Variants in SGTB observed in about 807,000 individuals in gnomAD.
SGTB encodes small glutamine rich tetratricopeptide repeat co-chaperone beta, also known as small glutamine-rich tetratricopeptide repeat-containing protein beta.
A neutral mutation model predicts 43.9 loss-of-function variants in SGTB; 19 were observed. The ratio of observed to expected loss-of-function variants is 0.43; its 90% CI spans 0.30 to 0.63. The LOEUF is 0.63. SGTB is among the 30% of genes least tolerant of loss of function. The pLI, the probability that SGTB is intolerant of heterozygous loss-of-function variation, is 0.12. For synonymous variants in SGTB, 116 were observed against 117.3 expected (o/e 0.99, Z 0.07); for missense variants, 304 against 358.9 (o/e 0.85, Z 1.24).
intron 8 of SGTB, among the ~76,000 whole-genome samples, chr5:65,680,046 T>C (rs1757363864): frequency 1.3e-5 from 2 of 152,160 alleles, no homozygotes; most frequent in African/African-American, 4.8e-5. Context: ...CATTTTACCA[T>C]TTTACTTAAC....
chr5:65,718,086 C>T (rs1157252888), intron 2 of SGTB, among the ~76,000 whole-genome samples: 1 of 151,972 alleles, frequency 6.6e-6, no homozygotes, highest in African/African-American at 2.4e-5. Flanking sequence ...GAAAGACAGG[C>T]AATAGTGGTC....
At chr5:65,675,233 GATATCT>G (rs1192939097) in intron 8 of SGTB, among the ~76,000 whole-genome samples, 3 of 152,208 alleles carry the variant, frequency 2.0e-5, no homozygotes, top group Middle Eastern at 3.4e-3. Context: ...AAACACATGA[GATATCT>G]ATATCTATAT....
At position 65,720,754 on chromosome 5, in the gene SGTB, T is replaced by G; in HGVS notation, c.54A>C (p.Gln18His). ...CCGAGGTGTAAGTGTCCATCTGACT[T>G]TGTTCCCGTAAGAAACGAATAACTG... is the stretch of plus-strand genomic sequence containing the variant. Reference protein sequence around the residue: ...VYAVIRFLREQSQMDTYTSDE... With the variant: ...VYAVIRFLREHSQMDTYTSDE... Residue 18 changes from glutamine (Q) to histidine (H), a missense_variant, in exon 2 of 11, where the codon CAA becomes CAC. Gln to His is a conservative substitution (Grantham distance 24, BLOSUM62 0). Coordinates refer to ENST00000381007, the MANE Select transcript of SGTB (RefSeq NM_019072.3). The G allele has an allele frequency of 6.2e-7, 1 of 1,614,040 alleles. No individual in the cohort carries two copies. Among genetic ancestry groups the G allele is most frequent in the Middle Eastern group, 1.7e-4 (1 of 6,056 alleles).
In SGTB at chr5:65,668,739, C is replaced by CAAGAA. The variant is rs1554131290; in HGVS notation, c.*1502_*1506dup. 2.2e-5 allele frequency: 2 copies of CAAGAA among 90,430 alleles called. No individual in the cohort carries two copies. Among genetic ancestry groups the CAAGAA allele is most frequent in the Admixed American group, 1.0e-4 (1 of 9,664 alleles). The allele number at this position is 90,430 out of a possible 1,614,324, so 5.6% of individuals were successfully genotyped here. A position where few individuals can be genotyped will look rare whatever the true frequency, so the allele number is the denominator to read the frequency against. On this transcript the variant is annotated 3_prime_UTR_variant, in exon 11 of 11. Coordinates refer to ENST00000381007, the MANE Select transcript of SGTB (RefSeq NM_019072.3). ...CTGGCGACAGAGAGAGACTCCATCT[C>CAAGAA]AAGAAAAAAAAAAAAAAAATTAGCT...
chr5:65,717,741 C>T (rs1468253039), intron 2 of SGTB, among the ~76,000 whole-genome samples: 1 of 152,000 alleles, frequency 6.6e-6, no homozygotes, highest in African/African-American at 2.4e-5. Context: ...AGAACAGATA[C>T]TGTGATTGCC....
chr5:65,702,280 G>C (rs1220691670), intron 5 of SGTB, among the ~76,000 whole-genome samples: 1 of 152,132 alleles, frequency 6.6e-6, no homozygotes, highest in East Asian at 1.9e-4. Flanking sequence ...CAAAACAACA[G>C]TATGTGTCTC....
At chr5:65,677,992 G>T (rs1163661325) in intron 8 of SGTB, among the ~76,000 whole-genome samples, 5 of 152,060 alleles carry the variant, frequency 3.3e-5, no homozygotes, top group African/African-American at 1.2e-4. Context: ...GGAAGTTTTG[G>T]CCAGGGAAAT....
intron 8 of SGTB, among the ~76,000 whole-genome samples, chr5:65,674,651 C>T (rs1334899325): frequency 6.6e-6 from 1 of 152,166 alleles, no homozygotes; most frequent in African/African-American, 2.4e-5. Flanking sequence ...TTTTATGAGT[C>T]ACAAAACATG....
chr5:65,685,512 C>T (rs1190605377), intron 5 of SGTB, 40 bp from the exon 6 acceptor site: 8 of 1,575,392 alleles, frequency 5.1e-6, no homozygotes, highest in South Asian at 1.1e-5. Context: ...AGGCAGTTTT[C>T]AAGGCACTAA....
At chr5:65,704,095 T>C (rs1198568281) in intron 5 of SGTB, among the ~76,000 whole-genome samples, 184 bp downstream of exon 5, 2 of 151,658 alleles carry the variant, frequency 1.3e-5, no homozygotes, top group Non-Finnish European at 2.9e-5. Flanking sequence ...AGACAAAATA[T>C]GCTAACAGAT....
At chr5:65,671,586 G>A (rs1311380593) in intron 10 of SGTB, among the ~76,000 whole-genome samples, 1 of 133,912 alleles carries the variant, frequency 7.5e-6, no homozygotes, top group Non-Finnish European at 1.6e-5. Context: ...AAGAAAAGAA[G>A]AAAAAGATTC....
chr5:65,672,363 A>G, intron 8 of SGTB, 82 bp from the exon 9 acceptor site: 1 of 1,559,548 alleles, frequency 6.4e-7, no homozygotes, highest in South Asian at 1.1e-5. Flanking sequence ...TAGAAGAATG[A>G]AAGCTAAATC....
upstream of SGTB, among the ~76,000 whole-genome samples, chr5:65,722,583 C>T (rs1464650656): frequency 6.6e-6 from 1 of 152,218 alleles, no homozygotes; most frequent in African/African-American, 2.4e-5. Context: ...CTGGCGCGGC[C>T]ACCTGGGGCC....
At chr5:65,670,908 T>C (rs1757141734) in intron 10 of SGTB, among the ~76,000 whole-genome samples, 1 of 152,240 alleles carries the variant, frequency 6.6e-6, no homozygotes. Context: ...AGTGGTACTG[T>C]GGCTTCATAT....
intron 5 of SGTB, among the ~76,000 whole-genome samples, chr5:65,699,445 C>T (rs1181384194): frequency 1.3e-5 from 2 of 152,172 alleles, no homozygotes; most frequent in East Asian, 1.9e-4. Flanking sequence ...ATGTACACTA[C>T]TCGGGTGATA....
chr5:65,703,723 C>CA (rs1228225352), intron 5 of SGTB, among the ~76,000 whole-genome samples: 11 of 146,182 alleles, frequency 7.5e-5, no homozygotes, highest in Admixed American at 6.2e-4. Context: ...GACCACGTCT[C>CA]AAAAAAAATA....
chr5:65,682,811 C>T (rs1048254573), intron 6 of SGTB, among the ~76,000 whole-genome samples: 5 of 151,826 alleles, frequency 3.3e-5, no homozygotes, highest in East Asian at 3.9e-4. Context: ...AAATTAGATC[C>T]GATAATATAT....
chr5:65,698,556 C>G (rs1757753287), intron 5 of SGTB, among the ~76,000 whole-genome samples: 2 of 152,032 alleles, frequency 1.3e-5, no homozygotes, highest in African/African-American at 4.8e-5. Context: ...AAACTAAAAG[C>G]CTTCTGTACA....
rs973501685 is a variant in SGTB at position 65,667,340 on chromosome 5, T to C, written c.*2906A>G. 1 of 152,220 alleles carries C rather than the reference T, an allele frequency of 6.6e-6. No homozygotes were observed. Among genetic ancestry groups the C allele is most frequent in the Non-Finnish European group, 1.5e-5 (1 of 68,036 alleles). The allele number at this position is 152,220 out of a possible 1,614,324, so 9.4% of individuals were successfully genotyped here. A position where few individuals can be genotyped will look rare whatever the true frequency, so the allele number is the denominator to read the frequency against. On this transcript the variant is annotated 3_prime_UTR_variant, in exon 11 of 11. Coordinates refer to ENST00000381007, the MANE Select transcript of SGTB (RefSeq NM_019072.3). ...TATCTTATTGCTCTAAAAGCATTTT[T>C]AATGCACTCAAGATAGTTATGCTAG...
Sources: gnomAD v4.1 joint callset for allele counts (sites outside exome capture counted in the v4.1 genomes callset) on GRCh38, gnomAD v4.1.1 for gene constraint, MANE v1.5 for transcripts, NCBI Gene and HGNC (gene_info 2026-07-23, HGNC 2026-07-21) for gene names.